CNTN1: variants seen among roughly 807,000 people sequenced by gnomAD.
The protein encoded by CNTN1 is contactin-1.
In CNTN1, 38 loss-of-function variants were observed where a neutral mutation model predicts 126.4. That is an observed-to-expected ratio of 0.30 (90% CI 0.23 to 0.39). The LOEUF (loss-of-function observed/expected upper bound fraction) is 0.39, where lower values mean the gene tolerates loss of function less well. CNTN1 is among the 10% of genes least tolerant of loss of function. The probability of loss-of-function intolerance (pLI) is 1.00; values close to 1 mark genes in which losing one functional copy is unlikely to be tolerated. For synonymous variants in CNTN1, 413 were observed against 422.6 expected, an observed-to-expected ratio of 0.98 and a Z score of 0.28; for missense variants, 1,009 against 1,248.4, an observed-to-expected ratio of 0.81 and a Z score of 2.89.
chr12:41,025,868 G>T (rs1430629101), intron 21 of CNTN1, among the ~76,000 whole-genome samples: 2 of 152,124 alleles, frequency 1.3e-5, no homozygotes, highest in African/African-American at 4.8e-5. Flanking sequence ...ATCTCTCTGG[G>T]TTCATTTTGA....
intron 1 of CNTN1, among the ~76,000 whole-genome samples, chr12:40,819,365 C>T (rs1392722587): frequency 1.3e-5 from 2 of 152,106 alleles, no homozygotes; most frequent in Non-Finnish European, 2.9e-5. Flanking sequence ...TGAATTCTGT[C>T]CCTGAGCCTC....
At chr12:40,746,342 C>T (rs1239927984) in intron 1 of CNTN1, among the ~76,000 whole-genome samples, 1 of 152,062 alleles carries the variant, frequency 6.6e-6, no homozygotes, top group Non-Finnish European at 1.5e-5. Flanking sequence ...ACCATATAAG[C>T]CATTATCATA....
At chr12:41,042,668 C>A (rs1277461578) in intron 23 of CNTN1, among the ~76,000 whole-genome samples, 1 of 151,956 alleles carries the variant, frequency 6.6e-6, no homozygotes, top group Non-Finnish European at 1.5e-5. Flanking sequence ...TCATATGGAA[C>A]CAAAAAAGAG....
At position 41,070,934 on chromosome 12, in the gene CNTN1, A is replaced by G. The variant is rs2121180204; in HGVS notation, c.*899A>G. On this transcript the variant is annotated 3_prime_UTR_variant, in exon 24 of 24. Coordinates refer to ENST00000551295, the MANE Select transcript of CNTN1 (RefSeq NM_001843.4). ...ATGTGACAGTCTTTACATGGTTAGG[A>G]ATAAGTGACAGTTAAGTGAATATCA... 1 of 152,174 alleles carries G rather than the reference A, an allele frequency of 6.6e-6. No individual in the cohort carries two copies. The allele number at this position is 152,174 out of a possible 1,614,324, so 9.4% of individuals were successfully genotyped here. A position where few individuals can be genotyped will look rare whatever the true frequency, so the allele number is the denominator to read the frequency against.
At chr12:41,003,654 C>T (rs1254624343) in intron 17 of CNTN1, among the ~76,000 whole-genome samples, 1 of 151,008 alleles carries the variant, frequency 6.6e-6, no homozygotes, top group African/African-American at 2.4e-5. Context: ...TTCAGGGATT[C>T]AATTTCTTCC....
intron 14 of CNTN1, among the ~76,000 whole-genome samples, chr12:40,954,146 A>G (rs1160626579): frequency 6.6e-6 from 1 of 152,080 alleles, no homozygotes; most frequent in African/African-American, 2.4e-5. Flanking sequence ...CATTTAATGA[A>G]TAAATACCAA....
At chr12:40,967,402 C>A (rs1234411314) in intron 15 of CNTN1, among the ~76,000 whole-genome samples, 2 of 152,086 alleles carry the variant, frequency 1.3e-5, no homozygotes, top group Non-Finnish European at 1.5e-5. Flanking sequence ...ATCACTTGAA[C>A]CCAGGAGGTG....
intron 1 of CNTN1, among the ~76,000 whole-genome samples, chr12:40,794,405 T>C (rs1045569711): frequency 8.6e-5 from 13 of 151,620 alleles, no homozygotes; most frequent in African/African-American, 3.2e-4. Context: ...TGCTGTTTTA[T>C]AGCCTGCCCC....
In CNTN1 at chr12:40,717,183, A is replaced by G. The variant is rs1316514848; in HGVS notation, c.-77+24591A>G. On this transcript the variant is annotated intron_variant, in intron 1 of 23. Transcript: ENST00000551295. ...TGAGATCAAAACCTGAACCCAGTACAAGCAAAAAGTTGACTAAAATTACTA... is the reference window on the plus strand; with the variant it reads ...TGAGATCAAAACCTGAACCCAGTACGAGCAAAAAGTTGACTAAAATTACTA... Among the ~76,000 whole-genome samples, 3 of 152,174 alleles carry G rather than the reference A, an allele frequency of 2.0e-5. No homozygotes were observed. In the South Asian group the frequency reaches 6.2e-4, roughly 31 times the overall value.
chr12:40,978,038 G>A (rs1185409708), intron 15 of CNTN1, among the ~76,000 whole-genome samples: 5 of 152,022 alleles, frequency 3.3e-5, no homozygotes, highest in African/African-American at 9.6e-5. Flanking sequence ...CCTGACCTCA[G>A]GTAATCCACC....
chr12:40,929,555 A>G (rs1045802706), intron 6 of CNTN1, among the ~76,000 whole-genome samples: 1 of 152,078 alleles, frequency 6.6e-6, no homozygotes, highest in Non-Finnish European at 1.5e-5. Flanking sequence ...AAGCAAGAAT[A>G]TAATAGTTTA....
chr12:40,840,139 A>G (rs945353485), intron 1 of CNTN1, among the ~76,000 whole-genome samples: 4 of 152,114 alleles, frequency 2.6e-5, no homozygotes, highest in Admixed American at 2.6e-4. Context: ...CTGAAAGTAA[A>G]GGAATGGAAA....
intron 1 of CNTN1, among the ~76,000 whole-genome samples, chr12:40,788,279 A>G (rs995091015): frequency 6.6e-6 from 1 of 152,126 alleles, no homozygotes; most frequent in Admixed American, 6.5e-5. Flanking sequence ...AGCACATTCT[A>G]ACTGGTGATT....
At chr12:40,751,737 T>C (rs892027336) in intron 1 of CNTN1, among the ~76,000 whole-genome samples, 17 of 152,120 alleles carry the variant, frequency 1.1e-4, no homozygotes, top group African/African-American at 4.1e-4. Flanking sequence ...TTACCAGTTA[T>C]ATGAGTTAAG....
intron 1 of CNTN1, among the ~76,000 whole-genome samples, chr12:40,710,955 A>G (rs1042279645): frequency 6.6e-6 from 1 of 151,850 alleles, no homozygotes; most frequent in South Asian, 2.1e-4. Context: ...CTTTTTCCAC[A>G]TGCTTTGGAA....
At chr12:41,007,050 T>TC (rs1200592184) in intron 17 of CNTN1, among the ~76,000 whole-genome samples, 1 of 66,864 alleles carries the variant, frequency 1.5e-5, no homozygotes, top group Non-Finnish European at 2.8e-5. Flanking sequence ...GTGTGGTTTT[T>TC]TTTTTTTTTT....
chr12:40,970,744 AGCTGTG>A (rs1322450163), intron 15 of CNTN1, among the ~76,000 whole-genome samples: 1 of 152,168 alleles, frequency 6.6e-6, no homozygotes, highest in African/African-American at 2.4e-5. Context: ...GTGATCTAAA[AGCTGTG>A]GCCTTTGGTA....
chr12:40,990,595 T>C (rs544017009), intron 16 of CNTN1, among the ~76,000 whole-genome samples: 1 of 152,340 alleles, frequency 6.6e-6, no homozygotes, highest in African/African-American at 2.4e-5. Flanking sequence ...GGTGGTCAAC[T>C]ATGATCTTCT....
intron 1 of CNTN1, among the ~76,000 whole-genome samples, chr12:40,844,684 A>C (rs1169541910): frequency 2.6e-5 from 4 of 152,184 alleles, no homozygotes; most frequent in Non-Finnish European, 5.9e-5. Context: ...TAGAAACTGA[A>C]TTTCTCATGA....
Sources: gnomAD v4.1 joint callset for allele counts (sites outside exome capture counted in the v4.1 genomes callset) on GRCh38, gnomAD v4.1.1 for gene constraint, MANE v1.5 for transcripts, NCBI Gene and HGNC (gene_info 2026-07-23, HGNC 2026-07-21) for gene names.